Variants in XYLT2 observed in about 807,000 individuals in gnomAD.
The protein encoded by XYLT2 is UDP-D-xylose:proteoglycan core protein beta-D-xylosyltransferase.
In XYLT2, 37 loss-of-function variants were observed where a neutral mutation model predicts 82.6. The observed-to-expected ratio is 0.45, with a 90% CI of 0.34 to 0.59. The LOEUF (loss-of-function observed/expected upper bound fraction) is 0.59. Among genes scored for constraint, XYLT2 ranks in the 20% least tolerant of loss-of-function variants. The pLI is 0.01. For synonymous variants in XYLT2, 474 were observed against 499.0 expected (o/e 0.95, Z 0.67); for missense variants, 934 against 1,181.3 (o/e 0.79, Z 3.07).
chr17:50,360,581 T>TC lies in XYLT2; in HGVS notation c.*290_*291insC, dbSNP rs1567809585. 6.8e-6 allele frequency: 8 copies of TC among 1,178,102 alleles called. No homozygotes were observed. Among genetic ancestry groups the TC allele is most frequent in the Middle Eastern group, 3.4e-4 (1 of 2,920 alleles). 73.0% of individuals were successfully genotyped at this position (1,178,102 alleles called of 1,614,324 possible). On this transcript the variant is annotated 3_prime_UTR_variant, in exon 11 of 11. Transcript: ENST00000017003. ...GAATTTCTTTTTTTTCTTTTTTTTT[T>TC]TTTTTTTTTAATTTAAAAAGGAAAA...
chr17:50,346,905 C>G lies in XYLT2; in HGVS notation c.135+630C>G. On this transcript the variant is annotated intron_variant, in intron 1 of 10. Coordinates refer to ENST00000017003, the MANE Select transcript of XYLT2 (RefSeq NM_022167.4). This position sits in a 1 kb window ranked among gnomAD's most constrained non-coding sequence, Gnocchi z 5.1. ...GGTTTGAAGAACCTGGATGGGTCTC[C>G]GGAGGGCAGGGAGAGGAGGAACTGA... The G allele has an allele frequency of 1.0e-6, 1 of 985,296 alleles. No homozygotes were observed. The highest frequency in any genetic ancestry group is 1.2e-6 in the Non-Finnish European group (1 of 829,896). The allele number at this position is 985,296 out of a possible 1,614,324, so 61.0% of individuals were successfully genotyped here. A position where few individuals can be genotyped will look rare whatever the true frequency, so the allele number is the denominator to read the frequency against.
rs1255201517 is a variant in XYLT2, at chr17:50,346,386, G to T, written c.135+111G>T. On this transcript the variant is annotated intron_variant, in intron 1 of 10. Transcript: ENST00000017003. The surrounding 1 kb of genome is among the most constrained non-coding windows in gnomAD (Gnocchi z 5.1). ...AGTGGGGCACGGGCCGCGTGCGTGCGTGCGGGGCGCCGGCGGTCGCCCAGA... is the reference window on the plus strand; with the variant it reads ...AGTGGGGCACGGGCCGCGTGCGTGCTTGCGGGGCGCCGGCGGTCGCCCAGA... 35 of 976,440 alleles carry T rather than the reference G, an allele frequency of 3.6e-5. No homozygotes were observed. Among genetic ancestry groups the T allele is most frequent in the Non-Finnish European group, 4.1e-5 (34 of 821,162 alleles). The allele number at this position is 976,440 out of a possible 1,614,324, so 60.5% of individuals were successfully genotyped here. A position where few individuals can be genotyped will look rare whatever the true frequency, so the allele number is the denominator to read the frequency against.
intron 10 of XYLT2, chr17:50,359,650 C>T: frequency 6.3e-6 from 2 of 316,984 alleles, no homozygotes; most frequent in South Asian, 1.3e-4. Context: ...GTACAGGCTT[C>T]TGAGGGCTCT....
chr17:50,346,986 A>T lies in XYLT2; in HGVS notation c.135+711A>T, dbSNP rs1055836801. 12 of 965,796 alleles carry T rather than the reference A, an allele frequency of 1.2e-5. No homozygotes were observed. The African/African-American group carries it at 2.1e-4, about 17-fold the overall frequency. 59.8% of individuals were successfully genotyped at this position (965,796 alleles called of 1,614,324 possible). A position where few individuals can be genotyped will look rare whatever the true frequency, so the allele number is the denominator to read the frequency against. ...ATTAGGGAGGGGCCCTCTGGCTTTA[A>T]GGGAATGGGGACTGTAACAGAGCCC... On this transcript the variant is annotated intron_variant, in intron 1 of 10. Transcript: ENST00000017003. This position sits in a 1 kb window ranked among gnomAD's most constrained non-coding sequence, Gnocchi z 5.1.
Position 50,358,359 on chromosome 17 carries a change from C to G in XYLT2, c.2094C>G (p.Ala698=). The change falls in exon 10 of 11, where the codon GCC becomes GCG. Residue 698 remains alanine (A), a synonymous_variant. Transcript: ENST00000017003. ...GGATCGACCCAACCTATGTGGTGGCCACATCTTATGACATCACAGTAGATA... is the reference window on the plus strand; with the variant it reads ...GGATCGACCCAACCTATGTGGTGGCGACATCTTATGACATCACAGTAGATA... ...VVWIDPTYVV[A]TSYDITVDTE... 7 of 1,614,086 alleles carry G rather than the reference C, an allele frequency of 4.3e-6. No individual in the cohort carries two copies. Among genetic ancestry groups the G allele is most frequent in the African/African-American group, 4.0e-5 (3 of 75,050 alleles).
rs1316751017 is a variant in XYLT2, at chr17:50,358,410, G to A, written c.2145G>A (p.Lys715=). Reference sequence around the variant, plus strand: ...CGGAGACTGAGGTCACGCAATACAAGCCCCCACTGAGCCGGCCCCTGCGGC... The same window carrying A: ...CGGAGACTGAGGTCACGCAATACAAACCCCCACTGAGCCGGCCCCTGCGGC... The part of the protein sequence containing the change: ...VDTETEVTQY[K]PPLSRPLRPG... Residue 715 remains lysine (K), a synonymous_variant, in exon 10 of 11, where the codon AAG becomes AAA. Coordinates refer to ENST00000017003, the MANE Select transcript of XYLT2 (RefSeq NM_022167.4). The A allele has an allele frequency of 2.5e-6, 4 of 1,614,126 alleles. 1 individual carries two copies. The South Asian group carries it at 4.4e-5, about 18-fold the overall frequency.
chr17:50,353,517 T>C (rs1912354337), intron 1 of XYLT2, 113 bp from the exon 2 acceptor site: 1 of 1,460,714 alleles, frequency 6.8e-7, no homozygotes, highest in South Asian at 1.4e-5. Flanking sequence ...CTTCTCTGGG[T>C]AAAAGGTGGG....
chr17:50,352,685 G>C (rs528858346), intron 1 of XYLT2, among the ~76,000 whole-genome samples: 1 of 152,200 alleles, frequency 6.6e-6, no homozygotes, highest in South Asian at 2.1e-4. Flanking sequence ...AGCACTTAGA[G>C]CCAGGAAGCA....
intron 1 of XYLT2, among the ~76,000 whole-genome samples, chr17:50,352,276 A>G (rs532819424): frequency 6.6e-6 from 1 of 152,328 alleles, no homozygotes; most frequent in African/African-American, 2.4e-5. Flanking sequence ...GTGAGTTGGC[A>G]GAGCTAGGCC....
chr17:50,359,705 A>G (rs569257500), intron 10 of XYLT2: 85 of 498,678 alleles, frequency 1.7e-4, no homozygotes, highest in Non-Finnish European at 2.8e-4. Flanking sequence ...GACACAAACC[A>G]GACTGTTCCC....
In XYLT2 at chr17:50,353,972, C is replaced by T. The variant is rs759146270; in HGVS notation, c.478C>T (p.Pro160Ser). The change falls in exon 2 of 11, where the codon CCC (proline) becomes TCC (serine). Residue 160 changes from proline (P) to serine (S), a missense_variant. By Grantham distance (74) the Pro-to-Ser change is moderately conservative (BLOSUM62 -1). Around this residue, in one of 3 missense-constraint regions of XYLT2, gnomAD observed 371 missense variants for 394.9 expected, o/e 0.94. Transcript: ENST00000017003. ...APQPTDNGFT[P>S]KCEIVGKDAL... ...CCAGCCCACGGACAATGGCTTCACC[C>T]CCAAGTGCGAGATCGTGGGCAAGGA... 10 of 1,606,568 alleles carry T rather than the reference C, an allele frequency of 6.2e-6. No individual in the cohort carries two copies. In the South Asian group the frequency reaches 1.1e-4, roughly 18 times the overall value.
Position 50,354,427 on chromosome 17 carries a change from C to T in XYLT2, c.648C>T (p.Ile216=). The T allele has an allele frequency of 6.2e-7, 1 of 1,609,054 alleles. No homozygotes were observed. Among genetic ancestry groups the T allele is most frequent in the Non-Finnish European group, 8.5e-7 (1 of 1,177,998 alleles). Residue 216 remains isoleucine (I), a synonymous_variant, in exon 3 of 11, where the codon ATC becomes ATT. Coordinates refer to ENST00000017003, the MANE Select transcript of XYLT2 (RefSeq NM_022167.4). ...CQLTGKMSPG[I]QWDESQAQQP... ...TCTCAGGGAAGATGAGCCCCGGCATCCAGTGGGATGAGAGCCAAGCCCAGC... is the reference window on the plus strand; with the variant it reads ...TCTCAGGGAAGATGAGCCCCGGCATTCAGTGGGATGAGAGCCAAGCCCAGC...
chr17:50,359,595 G>C (rs1019549312), intron 10 of XYLT2: 1 of 198,266 alleles, frequency 5.0e-6, no homozygotes, highest in Non-Finnish European at 1.0e-5. Context: ...AAGCCAAGGG[G>C]ACAAAGCTGG....
intron 9 of XYLT2, 167 bp downstream of exon 9, chr17:50,357,419 C>A (rs1598352460): frequency 7.9e-6 from 5 of 632,102 alleles, no homozygotes; most frequent in Admixed American, 3.3e-5. Context: ...CCTGTGCACA[C>A]TGAGGAGCAC....
Position 50,354,139 on chromosome 17 carries a change from C to T in XYLT2, c.628+17C>T, listed in dbSNP as rs1912401833. ...AGCTGACTGGTGAGGGACAGGGGTGCTCCAGCCCTTCCCAGGCGGGGGCAG... is the reference window on the plus strand; with the variant it reads ...AGCTGACTGGTGAGGGACAGGGGTGTTCCAGCCCTTCCCAGGCGGGGGCAG... On this transcript the variant is annotated intron_variant, in intron 2 of 10. Coordinates refer to ENST00000017003, the MANE Select transcript of XYLT2 (RefSeq NM_022167.4). 1.9e-6 allele frequency: 3 copies of T among 1,600,670 alleles called. No homozygotes were observed. Among genetic ancestry groups the T allele is most frequent in the East Asian group, 4.5e-5 (2 of 44,876 alleles).
rs1912756438 is a variant in XYLT2 at position 50,360,470 on chromosome 17, G to C, written c.*179G>C. 7.4e-7 allele frequency: 1 copy of C among 1,347,126 alleles called. No homozygotes were observed. The highest frequency in any genetic ancestry group is 9.5e-7 in the Non-Finnish European group (1 of 1,053,064). The allele number at this position is 1,347,126 out of a possible 1,614,324, so 83.4% of individuals were successfully genotyped here. On this transcript the variant is annotated 3_prime_UTR_variant, in exon 11 of 11. Coordinates refer to ENST00000017003, the MANE Select transcript of XYLT2 (RefSeq NM_022167.4). ...AGTATGAACTACTGCTGATGTCTCT[G>C]TTGGGGATCAGAGGGCTGGCGGGAA...
chr17:50,357,283 A>G, intron 9 of XYLT2, 31 bp downstream of exon 9: 1 of 1,531,166 alleles, frequency 6.5e-7, no homozygotes, highest in Non-Finnish European at 8.8e-7. Context: ...GCTTTCTCCC[A>G]ACCCCCACCC....
At chr17:50,358,649 AG>A in intron 10 of XYLT2, 109 bp downstream of exon 10, 2 of 1,207,016 alleles carry the variant, frequency 1.7e-6, no homozygotes. Context: ...CCCTAGAGTC[AG>A]GGAAGCATGG....
chr17:50,358,518 C>A lies in XYLT2; in HGVS notation c.2253C>A (p.Asn751Lys), dbSNP rs1231036490. ...TCCTTGTGCTGCCCTTGACCTTCAA[C>A]CGCAAACTACCTCTCAGGAAAGGTA... ...TRFLVLPLTFNRKLPLRKDDA... is the reference protein window; with the variant it reads ...TRFLVLPLTFKRKLPLRKDDA... Residue 751 changes from asparagine (N) to lysine (K), a missense_variant, in exon 10 of 11, where the codon AAC (asparagine) becomes AAA (lysine). By Grantham distance (94) the Asn-to-Lys change is moderately conservative. This residue lies in a region of XYLT2 where 374 missense variants were observed against 465.6 expected (regional missense o/e 0.80). Coordinates refer to ENST00000017003, the MANE Select transcript of XYLT2 (RefSeq NM_022167.4). 3 of 1,612,416 alleles carry A rather than the reference C, an allele frequency of 1.9e-6. No homozygotes were observed. Among genetic ancestry groups the A allele is most frequent in the Admixed American group, 3.3e-5 (2 of 59,950 alleles).
Sources: allele counts gnomAD v4.1 joint callset (sites outside exome capture counted in the v4.1 genomes callset), GRCh38; gene constraint gnomAD v4.1.1; regional missense constraint gnomAD v4.1.1; non-coding constraint Gnocchi (gnomAD v3.1); transcripts MANE v1.5; gene names NCBI Gene and HGNC (gene_info 2026-07-23, HGNC 2026-07-21).